The following TBX15 variants were observed in gnomAD, a reference collection of about 807,000 sequenced individuals.
The protein encoded by TBX15 is T-box transcription factor 15.
A neutral mutation model predicts 53.9 loss-of-function variants in TBX15; 18 were observed. The ratio of observed to expected loss-of-function variants is 0.33; its 90% CI spans 0.23 to 0.49. TBX15 has a LOEUF of 0.49. Among genes scored for constraint, TBX15 ranks in the 20% least tolerant of loss-of-function variants. The probability of loss-of-function intolerance (pLI) is 0.98; values close to 1 mark genes in which losing one functional copy is unlikely to be tolerated. For synonymous variants in TBX15, 295 were observed against 278.0 expected (o/e 1.06, Z -0.61); for missense variants, 692 against 749.5 (o/e 0.92, Z 0.90).
At chr1:118,980,897 A>G (rs548094802) in intron 1 of TBX15, among the ~76,000 whole-genome samples, 4 of 151,678 alleles carry the variant, frequency 2.6e-5, no homozygotes, top group East Asian at 1.9e-4. Flanking sequence ...CAGTGGCACT[A>G]TCTCGGCTCA....
chr1:118,988,170 TCC>T lies in TBX15; in HGVS notation c.-377_-376del. 5.6e-6 allele frequency: 1 copy of T among 179,734 alleles called. No individual in the cohort carries two copies. Among genetic ancestry groups the T allele is most frequent in the Non-Finnish European group, 1.1e-5 (1 of 89,066 alleles). The allele number at this position is 179,734 out of a possible 1,614,324, so 11.1% of individuals were successfully genotyped here. On this transcript the variant is annotated 5_prime_UTR_variant, in exon 1 of 8. Transcript: ENST00000369429. ...TCTCCTCTCTCTCTCTCTCTCTCTC[TCC>T]CCTCCCTCTCTTTTTCTCTCCTCCC...
chr1:118,969,929 G>A (rs1421781455), intron 1 of TBX15, among the ~76,000 whole-genome samples: 1 of 152,268 alleles, frequency 6.6e-6, no homozygotes, highest in African/African-American at 2.4e-5. Context: ...AATCCTCAGT[G>A]TTGGGAGAGG....
chr1:118,968,681 C>T (rs1407033064), intron 1 of TBX15, among the ~76,000 whole-genome samples: 1 of 152,150 alleles, frequency 6.6e-6, no homozygotes, highest in African/African-American at 2.4e-5. Context: ...AAGTTCTCAG[C>T]ATGGAAACTA....
At chr1:118,902,325 T>C (rs17022728) in intron 6 of TBX15, among the ~76,000 whole-genome samples, 4,394 of 152,230 alleles carry the variant, frequency 0.029, 197 homozygotes, top group African/African-American at 0.1. Flanking sequence ...TGTAGTGCCA[T>C]GGCAAGATTA....
chr1:118,931,916 C>T, intron 1 of TBX15, 84 bp from the exon 2 acceptor site: 6 of 1,372,262 alleles, frequency 4.4e-6, no homozygotes, highest in East Asian at 2.5e-5. Flanking sequence ...GTGGGAAATG[C>T]AATGAAGTGG....
intron 5 of TBX15, 49 bp from the exon 6 acceptor site, chr1:118,914,228 T>C (rs762799580): frequency 3.9e-6 from 6 of 1,538,482 alleles, no homozygotes; most frequent in Non-Finnish European, 5.4e-6. Context: ...AACTGATTTC[T>C]TTCTTAGTAC....
intron 1 of TBX15, among the ~76,000 whole-genome samples, chr1:118,973,732 T>A (rs575322830): frequency 2.0e-5 from 3 of 152,034 alleles, no homozygotes; most frequent in African/African-American, 7.2e-5. Flanking sequence ...CAGTTCTCCA[T>A]AACACCCCTC....
chr1:118,910,546 C>T (rs561725616), intron 6 of TBX15, among the ~76,000 whole-genome samples: 7 of 152,208 alleles, frequency 4.6e-5, no homozygotes, highest in African/African-American at 1.7e-4. Flanking sequence ...TCTCTGTATC[C>T]TCATCTATCA....
chr1:118,913,796 G>A (rs1042225407), intron 6 of TBX15, among the ~76,000 whole-genome samples: 4 of 152,212 alleles, frequency 2.6e-5, no homozygotes, highest in Admixed American at 2.6e-4. Context: ...TGCAGGTGCT[G>A]AAGCCACCTA....
chr1:118,987,637 G>C lies in TBX15; in HGVS notation c.159C>G (p.Leu53=). ...GTGCCGCCGCGTCCTCCGTGTCTCCGAGTGGGCCCGCGGGGCTCAGCGCCT... is the reference window on the plus strand; with the variant it reads ...GTGCCGCCGCGTCCTCCGTGTCTCCCAGTGGGCCCGCGGGGCTCAGCGCCT... The part of the protein sequence containing the change: ...SMEALSPAGP[L]GDTEDAAAHG... The change falls in exon 1 of 8, where the codon CTC becomes CTG. Residue 53 remains leucine (L), a synonymous_variant. Coordinates refer to ENST00000369429, the MANE Select transcript of TBX15 (RefSeq NM_001330677.2). 1 of 1,549,956 alleles carries C rather than the reference G, an allele frequency of 6.5e-7. No homozygotes were observed. The highest frequency in any genetic ancestry group is 8.7e-7 in the Non-Finnish European group (1 of 1,146,790).
In TBX15 at chr1:118,947,170, C is replaced by T. The variant is rs78132921; in HGVS notation, c.206-15338G>A. 1.2e-4 allele frequency among the ~76,000 whole-genome samples: 19 copies of T among 152,340 alleles called. No homozygotes were observed. The East Asian group carries it at 3.5e-3, about 28-fold the overall frequency. On this transcript the variant is annotated intron_variant, in intron 1 of 7. Coordinates refer to ENST00000369429, the MANE Select transcript of TBX15 (RefSeq NM_001330677.2). ...AGCTGGACACAGTGAGTAAGTGAGGCTGCCCCAGGTAGGCCTGCCAAGGCT... is the reference window on the plus strand; with the variant it reads ...AGCTGGACACAGTGAGTAAGTGAGGTTGCCCCAGGTAGGCCTGCCAAGGCT...
chr1:118,936,985 T>C (rs1357073624), intron 1 of TBX15, among the ~76,000 whole-genome samples: 1 of 152,162 alleles, frequency 6.6e-6, no homozygotes, highest in Non-Finnish European at 1.5e-5. Flanking sequence ...ACATAGAAAC[T>C]GTTAAGGAAG....
At chr1:118,974,781 A>G (rs150057198) in intron 1 of TBX15, among the ~76,000 whole-genome samples, 115 of 152,348 alleles carry the variant, frequency 7.5e-4, no homozygotes, top group Non-Finnish European at 1.4e-3. Context: ...GGTTAAAGTT[A>G]AAACCTCTAC....
At chr1:118,982,381 G>A (rs997327839) in intron 1 of TBX15, among the ~76,000 whole-genome samples, 1 of 152,198 alleles carries the variant, frequency 6.6e-6, no homozygotes, top group African/African-American at 2.4e-5. Context: ...TAGAACGATT[G>A]TGATGGACCG....
intron 1 of TBX15, among the ~76,000 whole-genome samples, chr1:118,982,367 G>A (rs1240468567): frequency 6.6e-6 from 1 of 152,118 alleles, no homozygotes; most frequent in East Asian, 1.9e-4. Flanking sequence ...AATTTTTTTG[G>A]CAATAGAACG....
At chr1:118,895,528 C>T (rs1384041369) in intron 7 of TBX15, among the ~76,000 whole-genome samples, 1 of 152,180 alleles carries the variant, frequency 6.6e-6, no homozygotes, top group African/African-American at 2.4e-5. Flanking sequence ...CTGACCTGGA[C>T]TCTTATTTCC....
chr1:118,952,309 A>C (rs1304954781), intron 1 of TBX15, among the ~76,000 whole-genome samples: 1 of 152,204 alleles, frequency 6.6e-6, no homozygotes, highest in Non-Finnish European at 1.5e-5. Context: ...TATAGCAGTT[A>C]AGTTTTGGGA....
intron 1 of TBX15, among the ~76,000 whole-genome samples, chr1:118,960,545 C>A (rs1656835783): frequency 6.6e-6 from 1 of 152,144 alleles, no homozygotes; most frequent in Admixed American, 6.5e-5. Context: ...TAAAAAGTAC[C>A]AAAGTTTATA....
chr1:118,962,660 A>G (rs1656917912), intron 1 of TBX15, among the ~76,000 whole-genome samples: 1 of 152,188 alleles, frequency 6.6e-6, no homozygotes, highest in Admixed American at 6.5e-5. Flanking sequence ...TGAAGTTTTC[A>G]TGTCCCCATA....
Sources: allele counts gnomAD v4.1 joint callset (sites outside exome capture counted in the v4.1 genomes callset), GRCh38; gene constraint gnomAD v4.1.1; transcripts MANE v1.5; gene names NCBI Gene and HGNC (gene_info 2026-07-23, HGNC 2026-07-21).